ZNF227: variants seen among roughly 807,000 people sequenced by gnomAD.
ZNF227 encodes zinc finger protein 227.
A neutral mutation model predicts 13.2 loss-of-function variants in ZNF227; 12 were observed. The observed-to-expected ratio is 0.91, with a 90% confidence interval of 0.58 to 1.47. The LOEUF is 1.47. Among genes scored for constraint, ZNF227 ranks in the 40% most tolerant of loss-of-function variants. The pLI is 0.00. For missense variants in ZNF227, 885 were observed against 967.5 expected (o/e 0.91, Z 1.13); for synonymous variants, 338 against 326.0 (o/e 1.04, Z -0.40).
intron 2 of ZNF227, among the ~76,000 whole-genome samples, chr19:44,214,756 G>T (rs1275025364): frequency 6.6e-6 from 1 of 151,400 alleles, no homozygotes; most frequent in East Asian, 1.9e-4. Context: ...TTCAACATTT[G>T]CTGCAGACCA....
chr19:44,231,239 G>A (rs547233722), intron 5 of ZNF227, among the ~76,000 whole-genome samples: 2 of 151,440 alleles, frequency 1.3e-5, no homozygotes, highest in Non-Finnish European at 2.9e-5. Context: ...CTCAGCCTCC[G>A]AAGTTACTGG....
In ZNF227 at chr19:44,235,365, ATTC is replaced by A. The variant is rs1599852100; in HGVS notation, c.938_940del (p.Ser313del). The A allele has an allele frequency of 5.6e-6, 9 of 1,614,238 alleles. No homozygotes were observed. The East Asian group carries it at 2.0e-4, about 36-fold the overall frequency. On this transcript the variant is annotated inframe_deletion, in exon 6 of 6. Transcript: ENST00000313040. ...GATTGCTTCAATAAGAGCTCTTTTC[ATTC>A]TTATCAATCTAATCATACAGGAGAG... is the stretch of plus-strand genomic sequence containing the variant.
upstream of ZNF227, among the ~76,000 whole-genome samples, chr19:44,211,174 G>T (rs1244867320): frequency 6.6e-6 from 1 of 151,256 alleles, no homozygotes; most frequent in African/African-American, 2.4e-5. Flanking sequence ...CTTCACTCCA[G>T]CCTGGGCAAA....
At position 44,235,275 on chromosome 19, in the gene ZNF227, C is replaced by T. The variant is rs754170431; in HGVS notation, c.845C>T (p.Ser282Leu). The change falls in exon 6 of 6, where the codon TCA (serine) becomes TTA (leucine). Residue 282 changes from serine (S) to leucine (L), a missense_variant. By Grantham distance (145) the Ser-to-Leu change is moderately radical. Coordinates refer to ENST00000313040, the MANE Select transcript of ZNF227 (RefSeq NM_182490.3). ...HTGEKCFSQS[S>L]HLRTHQRIHP... ...GGAGAAAAATGCTTCAGTCAAAGCTCACATCTGCGAACTCATCAGAGAATT... is the reference window on the plus strand; with the variant it reads ...GGAGAAAAATGCTTCAGTCAAAGCTTACATCTGCGAACTCATCAGAGAATT... 14 of 1,613,932 alleles carry T rather than the reference C, an allele frequency of 8.7e-6. No individual in the cohort carries two copies. In the East Asian group the frequency reaches 1.3e-4, roughly 15 times the overall value.
chr19:44,211,899 C>CT (rs528951551), upstream of ZNF227, among the ~76,000 whole-genome samples: 1,281 of 65,410 alleles, frequency 0.02, 19 homozygotes, highest in African/African-American at 0.04. Flanking sequence ...TTTTTTTTTT[C>CT]TTTTTTTTTT....
intron 3 of ZNF227, among the ~76,000 whole-genome samples, chr19:44,219,703 G>A (rs1972250327): frequency 6.6e-6 from 1 of 151,706 alleles, no homozygotes; most frequent in Non-Finnish European, 1.5e-5. Context: ...AAAATCTTTG[G>A]AGAGGAAAAT....
intron 3 of ZNF227, among the ~76,000 whole-genome samples, chr19:44,224,495 G>T (rs1370664812): frequency 6.6e-6 from 1 of 152,144 alleles, no homozygotes; most frequent in East Asian, 1.9e-4. Flanking sequence ...AGCTCTTGTT[G>T]AATTGATCCC....
chr19:44,217,404 A>G (rs959014756), intron 2 of ZNF227: 15 of 473,152 alleles, frequency 3.2e-5, no homozygotes, highest in Non-Finnish European at 5.5e-5. Flanking sequence ...TTCTTACCAT[A>G]TCCTCATTGT....
In ZNF227 at chr19:44,236,599, G is replaced by A; in HGVS notation, c.2169G>A (p.Lys723=). The change falls in exon 6 of 6, where the codon AAG becomes AAA. Residue 723 remains lysine (K), a synonymous_variant. Coordinates refer to ENST00000313040, the MANE Select transcript of ZNF227 (RefSeq NM_182490.3). ...CCCATATATGTGAGGAGTGTGGTAA[G>A]GCCTTCAGTCTCCCCTCAAATCTTC... ...EKPHICEECG[K]AFSLPSNLRV... is the part of the protein sequence containing the mutation. The A allele has an allele frequency of 1.2e-6, 2 of 1,614,054 alleles. No homozygotes were observed. Among genetic ancestry groups the A allele is most frequent in the South Asian group, 2.2e-5 (2 of 91,070 alleles).
At chr19:44,216,444 C>G (rs1971888367) in intron 2 of ZNF227, among the ~76,000 whole-genome samples, 1 of 151,896 alleles carries the variant, frequency 6.6e-6, no homozygotes, top group Non-Finnish European at 1.5e-5. Context: ...TTCGTTTAGT[C>G]TTTTGCATTT....
chr19:44,216,890 T>G (rs1262940340), intron 2 of ZNF227, among the ~76,000 whole-genome samples: 6 of 151,712 alleles, frequency 4.0e-5, no homozygotes, highest in Non-Finnish European at 4.4e-5. Context: ...TTTTCAGAAA[T>G]TAAAGGTGAC....
intron 4 of ZNF227, chr19:44,228,955 T>C (rs1231524726): frequency 1.1e-5 from 3 of 282,896 alleles, no homozygotes; most frequent in East Asian, 1.2e-4. Flanking sequence ...GTGCTGCAGT[T>C]GCAAAACCCT....
chr19:44,228,354 C>G, intron 3 of ZNF227, 92 bp from the exon 4 acceptor site: 1 of 1,470,228 alleles, frequency 6.8e-7, no homozygotes. Flanking sequence ...TCTATAACAA[C>G]TTTTTTGTGG....
In ZNF227 at chr19:44,214,131, C is replaced by T. The variant is rs144243023; in HGVS notation, c.-3+887C>T. Among the ~76,000 whole-genome samples, 136 of 152,116 alleles carry T rather than the reference C, an allele frequency of 8.9e-4. 1 individual carries two copies. Among genetic ancestry groups the T allele is most frequent in the Middle Eastern group, 3.4e-3 (1 of 294 alleles). Reference sequence around the variant, plus strand: ...AATTATGTTGTTGAAATTAACTTCACCTATTTTTGTTTTTGTTTTTTTGCC... The same window carrying T: ...AATTATGTTGTTGAAATTAACTTCATCTATTTTTGTTTTTGTTTTTTTGCC... On this transcript the variant is annotated intron_variant, in intron 2 of 5. Coordinates refer to ENST00000313040, the MANE Select transcript of ZNF227 (RefSeq NM_182490.3).
upstream of ZNF227, chr19:44,207,712 A>G (rs1236291991): frequency 6.6e-6 from 1 of 152,414 alleles, no homozygotes; most frequent in African/African-American, 2.4e-5. Context: ...AGTTGGGAGC[A>G]GTTTGTGTTC....
chr19:44,228,303 G>GA, intron 3 of ZNF227, 143 bp from the exon 4 acceptor site: 1 of 921,324 alleles, frequency 1.1e-6, no homozygotes, highest in South Asian at 1.8e-5. Flanking sequence ...GTGAGACAGG[G>GA]AAAACTGTAA....
intron 3 of ZNF227, among the ~76,000 whole-genome samples, chr19:44,222,616 A>G (rs1254936444): frequency 2.0e-5 from 3 of 151,956 alleles, no homozygotes; most frequent in Non-Finnish European, 4.4e-5. Context: ...TTGACTTTGT[A>G]TCCTGAGACT....
chr19:44,211,972 T>A (rs556907689), upstream of ZNF227, among the ~76,000 whole-genome samples: 5 of 150,228 alleles, frequency 3.3e-5, no homozygotes, highest in South Asian at 1.1e-3. Flanking sequence ...CTTGGCTCAC[T>A]GCACCCTCCA....
intron 5 of ZNF227, among the ~76,000 whole-genome samples, chr19:44,233,280 G>A (rs1271461705): frequency 6.6e-6 from 1 of 152,044 alleles, no homozygotes; most frequent in African/African-American, 2.4e-5. Flanking sequence ...TTATATTTAT[G>A]TGTATATTTA....
Sources: allele counts gnomAD v4.1 joint callset (sites outside exome capture counted in the v4.1 genomes callset), GRCh38; gene constraint gnomAD v4.1.1; transcripts MANE v1.5; gene names NCBI Gene and HGNC (gene_info 2026-07-23, HGNC 2026-07-21).